Variants in ZNF469 observed in about 807,000 individuals in gnomAD.
ZNF469 encodes zinc finger protein 469.
In ZNF469, 1 loss-of-function variant was observed where a neutral mutation model predicts 1.0. The ratio of observed to expected loss-of-function variants is 1.00; its 90% confidence interval spans 0.35 to 4.73. The LOEUF (loss-of-function observed/expected upper bound fraction) is 4.73, where lower values mean the gene tolerates loss of function less well. ZNF469 is among the 30% of genes most tolerant of loss of function. The probability of loss-of-function intolerance (pLI) is 0.16; values close to 1 mark genes in which losing one functional copy is unlikely to be tolerated. For synonymous variants in ZNF469, 2,703 were observed against 2,363.4 expected (o/e 1.14, Z -4.17); for missense variants, 6,100 against 5,356.3 (o/e 1.14, Z -4.33).
the ZNF469 span, among the ~76,000 whole-genome samples, chr16:88,174,078 C>T: frequency 2.6e-4 from 40 of 151,830 alleles, no homozygotes; most frequent in African/African-American, 8.7e-4. Context: ...GAAGGAAGAC[C>T]GAAGTATATG....
the ZNF469 span, among the ~76,000 whole-genome samples, chr16:88,208,803 A>ACTCTCTCTCTCT: frequency 8.1e-6 from 1 of 123,564 alleles, no homozygotes; most frequent in African/African-American, 3.1e-5. Flanking sequence ...ACACACACAC[A>ACTCTCTCTCTCT]CTCTCTCTCT....
the ZNF469 span, among the ~76,000 whole-genome samples, chr16:88,104,843 C>A: frequency 6.6e-6 from 1 of 152,220 alleles, no homozygotes; most frequent in African/African-American, 2.4e-5. Flanking sequence ...GCTAGACTTC[C>A]TTCAGGCCTG....
chr16:88,300,446 G>A, the ZNF469 span, among the ~76,000 whole-genome samples: 5 of 151,842 alleles, frequency 3.3e-5, no homozygotes, highest in Non-Finnish European at 5.9e-5. Flanking sequence ...TGCGTGTGAC[G>A]GGTGCAGCAT....
chr16:88,299,464 G>A, the ZNF469 span, among the ~76,000 whole-genome samples: 1 of 152,222 alleles, frequency 6.6e-6, no homozygotes, highest in Non-Finnish European at 1.5e-5. Flanking sequence ...CCGAGTGAAA[G>A]GGAACCAGCC....
Position 88,383,115 on chromosome 16 carries a change from G to T in ZNF469, c.-331G>T, listed in dbSNP as rs1429132287. On this transcript the variant is annotated 5_prime_UTR_variant, in exon 1 of 3. Coordinates refer to ENST00000565624, the MANE Select transcript of ZNF469 (RefSeq NM_001367624.2). Reference sequence around the variant, plus strand: ...GCGCAGCGCGCGGCAGAGCGGCTCGGTGCCCGGCGGGCGGGCGGCCCGGGC... The same window carrying T: ...GCGCAGCGCGCGGCAGAGCGGCTCGTTGCCCGGCGGGCGGGCGGCCCGGGC... Among the ~76,000 whole-genome samples, 2 of 149,456 alleles carry T rather than the reference G, an allele frequency of 1.3e-5. No homozygotes were observed. The highest frequency in any genetic ancestry group is 3.0e-5 in the Non-Finnish European group (2 of 66,970).
chr16:88,430,594 C>CTTGCCCCA lies in ZNF469; in HGVS notation c.3124_3125insTTGCCCCA (p.Arg1042LeufsTer14). On this transcript the variant is annotated frameshift_variant, in exon 3 of 3. Transcript: ENST00000565624. LOFTEE classifies it low-confidence loss of function (END_TRUNC). Reference sequence around the variant, plus strand: ...GAAGGACCCCAGGAAGAGGAAGGCTCGGGGCGGCGCCTGGGGCAAGGAGCT... The same window carrying CTTGCCCCA: ...GAAGGACCCCAGGAAGAGGAAGGCTCTTGCCCCAGGGGCGGCGCCTGGGGCAAGGAGCT... The CTTGCCCCA allele has an allele frequency of 6.7e-7, 1 of 1,502,804 alleles. No individual in the cohort carries two copies. Among genetic ancestry groups the CTTGCCCCA allele is most frequent in the Non-Finnish European group, 8.8e-7 (1 of 1,132,848 alleles). The allele number at this position is 1,502,804 out of a possible 1,614,324, so 93.1% of individuals were successfully genotyped here.
At chr16:88,377,886 T>C in the ZNF469 span, among the ~76,000 whole-genome samples, 1 of 111,026 alleles carries the variant, frequency 9.0e-6, no homozygotes, top group East Asian at 3.4e-4. Flanking sequence ...TGTTGTTTGA[T>C]GCCAGGAAAA....
chr16:88,192,132 C>T, the ZNF469 span: 10 of 152,184 alleles, frequency 6.6e-5, no homozygotes, highest in Admixed American at 6.5e-4. Context: ...GAAGCCAAGT[C>T]AGCCATACCT....
chr16:88,105,008 G>C, the ZNF469 span, among the ~76,000 whole-genome samples: 16 of 152,296 alleles, frequency 1.1e-4, no homozygotes, highest in African/African-American at 3.4e-4. Flanking sequence ...TTGAGTCCAG[G>C]AGTTTGAGAC....
chr16:88,170,569 C>G, the ZNF469 span, among the ~76,000 whole-genome samples: 1 of 152,172 alleles, frequency 6.6e-6, no homozygotes. The surrounding 1 kb of genome is among the most constrained non-coding windows in gnomAD (Gnocchi z 4.2). Flanking sequence ...TTTCACTTGG[C>G]ATGACGTCCT....
chr16:88,159,817 A>G, the ZNF469 span, among the ~76,000 whole-genome samples: 39,538 of 152,068 alleles, frequency 0.26, 6,306 homozygotes, highest in East Asian at 0.49. Context: ...AGCGGTGGGC[A>G]GTGAGGCTGT....
At chr16:88,256,754 A>C in the ZNF469 span, among the ~76,000 whole-genome samples, 2 of 152,076 alleles carry the variant, frequency 1.3e-5, no homozygotes, top group Non-Finnish European at 2.9e-5. Context: ...CCACGCTGTT[A>C]GGTGAGAGGC....
At chr16:88,223,642 G>A in the ZNF469 span, among the ~76,000 whole-genome samples, 2 of 152,216 alleles carry the variant, frequency 1.3e-5, no homozygotes, top group South Asian at 4.1e-4. Flanking sequence ...GCCTGAAGCC[G>A]TGCCTGGTGC....
At chr16:88,252,075 C>T in the ZNF469 span, among the ~76,000 whole-genome samples, 3 of 148,240 alleles carry the variant, frequency 2.0e-5, no homozygotes, top group Admixed American at 1.4e-4. Context: ...CAAGCATCTA[C>T]GGCTTCAGGT....
chr16:88,433,471 C>T lies in ZNF469; in HGVS notation c.6001C>T (p.Leu2001Phe). Residue 2001 changes from leucine (L) to phenylalanine (F), a missense_variant, in exon 3 of 3, where the codon CTT (leucine) becomes TTT (phenylalanine). Coordinates refer to ENST00000565624, the MANE Select transcript of ZNF469 (RefSeq NM_001367624.2). Reference protein sequence around the residue: ...KTQGQGTANQLQPENGVSPGG... With the variant: ...KTQGQGTANQFQPENGVSPGG... ...CCAGGGCCAAGGCACAGCCAACCAG[C>T]TTCAGCCAGAGAACGGGGTGAGCCC... is the stretch of plus-strand genomic sequence containing the variant. 1 of 1,550,416 alleles carries T rather than the reference C, an allele frequency of 6.4e-7. No homozygotes were observed.
the ZNF469 span, among the ~76,000 whole-genome samples, chr16:88,285,867 C>T: frequency 6.6e-6 from 1 of 152,258 alleles, no homozygotes; most frequent in African/African-American, 2.4e-5. Context: ...GCCCTCGTGC[C>T]ACTTGGCCTG....
chr16:88,185,096 TACTC>T, the ZNF469 span, among the ~76,000 whole-genome samples: 2 of 53,690 alleles, frequency 3.7e-5, no homozygotes, highest in Non-Finnish European at 5.6e-5. Flanking sequence ...TAGACATGGG[TACTC>T]ACACAGGTAG....
chr16:88,373,778 C>T, the ZNF469 span, among the ~76,000 whole-genome samples: 1 of 152,194 alleles, frequency 6.6e-6, no homozygotes, highest in Non-Finnish European at 1.5e-5. Context: ...GGACAGATCA[C>T]TTGAGGCCAG....
At chr16:88,410,970 A>G (rs142569207) in intron 1 of ZNF469, among the ~76,000 whole-genome samples, 227 of 151,360 alleles carry the variant, frequency 1.5e-3, no homozygotes, top group Non-Finnish European at 2.6e-3. Flanking sequence ...CTCCACCTCT[A>G]CCTCCATCTT....
Sources: allele counts gnomAD v4.1 joint callset (sites outside exome capture counted in the v4.1 genomes callset), GRCh38; gene constraint gnomAD v4.1.1; non-coding constraint Gnocchi (gnomAD v3.1); transcripts MANE v1.5; gene names NCBI Gene and HGNC (gene_info 2026-07-23, HGNC 2026-07-21).